TUBB8B: variants seen among roughly 807,000 people sequenced by gnomAD.
TUBB8B encodes tubulin beta 8B, also known as HSA18p11 beta-tubulin 4Q pseudogene.
TUBB8B carries 26 observed loss-of-function variants against 31.9 expected under a neutral mutation model. The ratio of observed to expected loss-of-function variants is 0.81; its 90% CI spans 0.60 to 1.13. TUBB8B has a LOEUF of 1.13. TUBB8B is among the 50% of genes most tolerant of loss of function. The pLI is 0.00. For synonymous variants in TUBB8B, 173 were observed against 231.0 expected, an observed-to-expected ratio of 0.75 and a Z score of 2.28; for missense variants, 467 against 586.7, an observed-to-expected ratio of 0.80 and a Z score of 2.11.
chr18:49,616 G>A (rs867962128), upstream of TUBB8B: 42 of 755,308 alleles, frequency 5.6e-5, no homozygotes, highest in Admixed American at 4.8e-4. Context: ...GACGCGCAGC[G>A]ACCCAGCCCG....
chr18:52,057 T>G (rs1375340099), upstream of TUBB8B, among the ~76,000 whole-genome samples: 1 of 151,762 alleles, frequency 6.6e-6, no homozygotes, highest in Non-Finnish European at 1.5e-5. Context: ...TTCATAAATA[T>G]TCTCCTATTA....
the TUBB8B span, among the ~76,000 whole-genome samples, chr18:72,177 C>CAAAAAAAAAAAAAAAAA: frequency 8.9e-5 from 7 of 78,762 alleles, no homozygotes; most frequent in African/African-American, 2.1e-4. Context: ...GACTCCATCT[C>CAAAAAAAAAAAAAAAAA]AAAAAAAAAA....
At chr18:71,060 C>G in the TUBB8B span, among the ~76,000 whole-genome samples, 3 of 134,950 alleles carry the variant, frequency 2.2e-5, no homozygotes, top group Non-Finnish European at 3.2e-5. Flanking sequence ...CAAACCTGAG[C>G]GACGTAAAGA....
chr18:63,709 C>A, the TUBB8B span, among the ~76,000 whole-genome samples: 2 of 97,528 alleles, frequency 2.1e-5, no homozygotes, highest in Admixed American at 8.7e-5. Flanking sequence ...AACCCTAACC[C>A]TAACACTAAC....
chr18:65,904 T>C, the TUBB8B span, among the ~76,000 whole-genome samples: 198 of 152,240 alleles, frequency 1.3e-3, 4 homozygotes, highest in South Asian at 0.04. Flanking sequence ...TTCCAGACAC[T>C]AGCAACAAAC....
rs1905786014 is a variant in TUBB8B, at chr18:48,140, GTTTTC to G, written c.580_584del (p.Glu194ArgfsTer3). The G allele has an allele frequency of 6.2e-7, 1 of 1,613,952 alleles. No individual in the cohort carries two copies. The highest frequency in any genetic ancestry group is 8.5e-7 in the Non-Finnish European group (1 of 1,179,918). On this transcript the variant is annotated frameshift_variant, in exon 4 of 4. Transcript: ENST00000308911. LOFTEE classifies it high-confidence loss of function. ...TATCTATGCAGAAGGTCTCATCCGC[GTTTTC>G]TATGAGCTGGTGGACTGAGAGGGTG...
the TUBB8B span, among the ~76,000 whole-genome samples, chr18:58,980 G>A: frequency 3.3e-5 from 5 of 151,540 alleles, 1 homozygote; most frequent in Non-Finnish European, 5.9e-5. Flanking sequence ...AAAAACAGAG[G>A]GGCAAGTTGT....
chr18:72,196 A>AAAAAAAAC, the TUBB8B span, among the ~76,000 whole-genome samples: 1,667 of 84,118 alleles, frequency 0.02, 107 homozygotes, highest in Middle Eastern at 0.046. Context: ...AAAAAAAAAA[A>AAAAAAAAC]AAAGGAAAAA....
chr18:72,414 C>A, the TUBB8B span, among the ~76,000 whole-genome samples: 1 of 152,158 alleles, frequency 6.6e-6, no homozygotes, highest in Non-Finnish European at 1.5e-5. Flanking sequence ...ATAAAACAGA[C>A]GTCATTTTAT....
At chr18:69,443 G>A in the TUBB8B span, among the ~76,000 whole-genome samples, 1 of 152,228 alleles carries the variant, frequency 6.6e-6, no homozygotes, top group Non-Finnish European at 1.5e-5. Flanking sequence ...GGGCAATCGG[G>A]CCAGACCTTA....
In TUBB8B at chr18:49,204, C is replaced by T. The variant is rs1286628403; in HGVS notation, c.91G>A (p.Asp31Asn). The T allele has an allele frequency of 3.6e-5, 56 of 1,538,480 alleles. No homozygotes were observed. The highest frequency in any genetic ancestry group is 4.8e-5 in the Non-Finnish European group (55 of 1,147,848). ...TCCCCGTGGTAGGTGCCAGCGGAGT[C>T]GATGGCATGTTCATCAGAGATCACC... ...WEVISDEHAI[D>N]SAGTYHGDSH... The change falls in exon 2 of 4, where the codon GAC becomes AAC. Residue 31 changes from aspartate (D) to asparagine (N), a missense_variant. By Grantham distance (23) the Asp-to-Asn change is conservative. Transcript: ENST00000308911.
the TUBB8B span, among the ~76,000 whole-genome samples, chr18:59,787 A>G: frequency 0.62 from 92,868 of 150,880 alleles, 29,732 homozygotes; most frequent in East Asian, 0.98. Context: ...CAGGAGATCC[A>G]CCTATCTCGG....
At chr18:69,214 C>T in the TUBB8B span, among the ~76,000 whole-genome samples, 1 of 152,158 alleles carries the variant, frequency 6.6e-6, no homozygotes, top group Non-Finnish European at 1.5e-5. Flanking sequence ...CACACTGGGC[C>T]GGGCATGGTG....
the TUBB8B span, among the ~76,000 whole-genome samples, chr18:58,076 C>A: frequency 6.6e-6 from 1 of 151,584 alleles, no homozygotes; most frequent in South Asian, 2.1e-4. Flanking sequence ...GCCTCAGGGT[C>A]TGTGATGGGG....
chr18:54,115 G>A (rs556096311), upstream of TUBB8B, among the ~76,000 whole-genome samples: 93 of 151,652 alleles, frequency 6.1e-4, 2 homozygotes, highest in Non-Finnish European at 1.0e-3. Flanking sequence ...TAATTTCTAA[G>A]CCCCTATTGA....
chr18:48,895 T>C, intron 3 of TUBB8B, 45 bp downstream of exon 3: 3 of 1,348,006 alleles, frequency 2.2e-6, no homozygotes, highest in East Asian at 2.3e-5. Flanking sequence ...GATTTTGAGC[T>C]GCCCTGGCTA....
the TUBB8B span, among the ~76,000 whole-genome samples, chr18:56,906 G>A: frequency 9.5e-4 from 145 of 151,918 alleles, 2 homozygotes; most frequent in African/African-American, 3.1e-3. Flanking sequence ...CACATCACAT[G>A]GTAAGTGTGA....
chr18:54,193 G>T (rs1906210771), upstream of TUBB8B, among the ~76,000 whole-genome samples: 1 of 151,610 alleles, frequency 6.6e-6, no homozygotes, highest in African/African-American at 2.4e-5. Flanking sequence ...TCAAGCCATG[G>T]GTCACACCTG....
At chr18:64,883 T>C in the TUBB8B span, among the ~76,000 whole-genome samples, 1 of 152,146 alleles carries the variant, frequency 6.6e-6, no homozygotes, top group Non-Finnish European at 1.5e-5. Context: ...TAATACTTAA[T>C]ATGCTAAATA....
Sources: allele counts gnomAD v4.1 joint callset (sites outside exome capture counted in the v4.1 genomes callset), GRCh38; gene constraint gnomAD v4.1.1; transcripts MANE v1.5; gene names NCBI Gene and HGNC (gene_info 2026-07-23, HGNC 2026-07-21).